The following SLC30A7 variants were observed in gnomAD, a reference collection of about 807,000 sequenced individuals.
The protein encoded by SLC30A7 is solute carrier family 30 member 7, also known as zinc transporter 7.
SLC30A7 carries 35 observed loss-of-function variants against 46.0 expected under a neutral mutation model. The ratio of observed to expected loss-of-function variants is 0.76; its 90% CI spans 0.58 to 1.01. The LOEUF is 1.01. Ranked by LOEUF, SLC30A7 falls within the 50% of genes least tolerant of loss-of-function variation. The pLI is 0.00. For synonymous variants in SLC30A7, 147 were observed against 157.8 expected, an observed-to-expected ratio of 0.93 and a Z score of 0.51; for missense variants, 464 against 451.1, an observed-to-expected ratio of 1.03 and a Z score of -0.26.
At chr1:100,981,913 G>C (rs979944640), downstream of SLC30A7, among the ~76,000 whole-genome samples, 5 of 152,202 alleles carry the variant, frequency 3.3e-5, no homozygotes, top group African/African-American at 9.6e-5. Context: ...GAGATGCTAG[G>C]AGGTTGGAAG....
At chr1:100,940,679 ACATT>A (rs1393153005) in intron 8 of SLC30A7, among the ~76,000 whole-genome samples, 1 of 152,244 alleles carries the variant, frequency 6.6e-6, no homozygotes, top group Non-Finnish European at 1.5e-5. Context: ...TTTTAAAGAC[ACATT>A]CAGTGTCATG....
rs1444744027 is a variant in SLC30A7 at position 100,981,642 on chromosome 1, A to ACCCC, written c.*6786_*6787insCCCC. 6.6e-6 allele frequency: 1 copy of ACCCC among 152,238 alleles called. No individual in the cohort carries two copies. The highest frequency in any genetic ancestry group is 1.5e-5 in the Non-Finnish European group (1 of 68,030). The allele number at this position is 152,238 out of a possible 1,614,324, so 9.4% of individuals were successfully genotyped here. On this transcript the variant is annotated 3_prime_UTR_variant, in exon 11 of 11. Transcript: ENST00000357650. ...ACAACAAATCTATAATGTATATTTC[A>ACCCC]CATTTTCTACTTGAACACATTCATG...
chr1:100,983,137 G>A (rs750371684), downstream of SLC30A7, among the ~76,000 whole-genome samples: 2 of 151,950 alleles, frequency 1.3e-5, no homozygotes, highest in African/African-American at 4.8e-5. Context: ...AACAACTTTC[G>A]AAACTTAAAT....
chr1:100,913,427 T>C (rs1324640853), intron 5 of SLC30A7, among the ~76,000 whole-genome samples: 1 of 152,206 alleles, frequency 6.6e-6, no homozygotes, highest in African/African-American at 2.4e-5. Context: ...TTCCAGTCAG[T>C]ACTTATTTTC....
chr1:100,965,890 T>C lies in SLC30A7; in HGVS notation c.1055T>C (p.Leu352Ser), dbSNP rs780671235. ...VAPDADARWI[L>S]SQTHNIFTQA... is the part of the protein sequence containing the mutation. ...CCTGATGCTGATGCTAGGTGGATTT[T>C]AAGCCAAACACATAATATTTTTACT... The change falls in exon 10 of 11, where the codon TTA becomes TCA. Residue 352 changes from leucine (L) to serine (S), a missense_variant. Physicochemically the swap from Leu to Ser is moderately radical, Grantham distance 145 (BLOSUM62 -2). Transcript: ENST00000357650. 7 of 1,613,512 alleles carry C rather than the reference T, an allele frequency of 4.3e-6. No homozygotes were observed. The African/African-American group carries it at 9.3e-5, about 22-fold the overall frequency.
chr1:100,915,193 T>TTTTCTTTTCTTTCTTTCTTTCTTTC (rs1553236582), intron 6 of SLC30A7, among the ~76,000 whole-genome samples: 1 of 90,788 alleles, frequency 1.1e-5, no homozygotes, highest in East Asian at 3.0e-4. Context: ...CTTTTCTTTC[T>TTTTCTTTTCTTTCTTTCTTTCTTTC]TTTCTTTCTT....
chr1:100,904,192 C>T (rs1651487864), intron 2 of SLC30A7, among the ~76,000 whole-genome samples: 1 of 152,186 alleles, frequency 6.6e-6, no homozygotes, highest in African/African-American at 2.4e-5. Context: ...GGTACTCTGA[C>T]TTCAGAAGCT....
At chr1:100,965,345 A>G (rs1178529794) in intron 9 of SLC30A7, among the ~76,000 whole-genome samples, 1 of 152,218 alleles carries the variant, frequency 6.6e-6, no homozygotes, top group Non-Finnish European at 1.5e-5. Context: ...TGATTTGGGT[A>G]TCTGTCTTTT....
At chr1:100,914,987 A>G (rs1652384919) in intron 6 of SLC30A7, among the ~76,000 whole-genome samples, 1 of 152,136 alleles carries the variant, frequency 6.6e-6, no homozygotes, top group African/African-American at 2.4e-5. Context: ...ATGAAAACAG[A>G]TAAATATTTA....
chr1:100,991,515 C>T, the SLC30A7 span, among the ~76,000 whole-genome samples: 5 of 152,142 alleles, frequency 3.3e-5, no homozygotes, highest in Admixed American at 1.3e-4. Flanking sequence ...TGACTGGGTG[C>T]GGTGACTCGC....
chr1:100,912,086 A>G (rs957180720), intron 4 of SLC30A7, 26 bp from the exon 5 acceptor site: 1 of 1,600,682 alleles, frequency 6.2e-7, no homozygotes. Context: ...TATCTATGCT[A>G]TTTGTTTGTA....
At chr1:100,932,978 C>CTT (rs995801710) in intron 8 of SLC30A7, among the ~76,000 whole-genome samples, 11 of 138,088 alleles carry the variant, frequency 8.0e-5, no homozygotes, top group East Asian at 2.1e-4. Context: ...TTTCTTTTTT[C>CTT]TTTTTTTTTT....
intron 8 of SLC30A7, among the ~76,000 whole-genome samples, chr1:100,954,594 TA>T: frequency 6.6e-6 from 1 of 152,260 alleles, no homozygotes; most frequent in African/African-American, 2.4e-5. Context: ...CTCTAAGTTC[TA>T]GGGGTACCTT....
Position 100,980,003 on chromosome 1 carries a change from T to G in SLC30A7, c.*5146T>G, listed in dbSNP as rs1381720155. The G allele has an allele frequency of 6.6e-6, 1 of 152,156 alleles. No individual in the cohort carries two copies. The highest frequency in any genetic ancestry group is 1.5e-5 in the Non-Finnish European group (1 of 67,978). The allele number at this position is 152,156 out of a possible 1,614,324, so 9.4% of individuals were successfully genotyped here. ...TATTTAGACTCATTCCTTCTTCCAG[T>G]GCCCTTATGATTATTTCCTACCTTT... On this transcript the variant is annotated 3_prime_UTR_variant, in exon 11 of 11. Transcript: ENST00000357650.
At position 100,912,233 on chromosome 1, in the gene SLC30A7, G is replaced by A. The variant is rs145252614; in HGVS notation, c.506G>A (p.Gly169Asp). The A allele has an allele frequency of 1.2e-3, 1,928 of 1,613,638 alleles. 49 individuals are homozygous for A. The Admixed American group carries it at 0.03, about 25-fold the overall frequency. ...FKHGGHGHSH[G>D]SGHGHSHSLF... ...CATGGAGGTCATGGACATTCTCATG[G>A]CTCTGGTATGATGGTTAGGACACTT... The change falls in exon 5 of 11, where the codon GGC becomes GAC. Residue 169 changes from glycine (G) to aspartate (D), a missense_variant. Physicochemically the swap from Gly to Asp is moderately conservative, Grantham distance 94. Coordinates refer to ENST00000357650, the MANE Select transcript of SLC30A7 (RefSeq NM_133496.5).
intron 3 of SLC30A7, 102 bp downstream of exon 3, chr1:100,907,067 TA>T (rs756395870): frequency 1.5e-4 from 112 of 751,970 alleles, no homozygotes; most frequent in Non-Finnish European, 2.3e-4. Flanking sequence ...AACACAGGTG[TA>T]ACTTTTGAAT....
Position 100,979,380 on chromosome 1 carries a change from C to G in SLC30A7, c.*4523C>G, listed in dbSNP as rs949740475. The G allele has an allele frequency of 3.4e-5, 5 of 147,296 alleles. No individual in the cohort carries two copies. Among genetic ancestry groups the G allele is most frequent in the Admixed American group, 1.4e-4 (2 of 14,664 alleles). 9.1% of individuals were successfully genotyped at this position (147,296 alleles called of 1,614,324 possible). A position where few individuals can be genotyped will look rare whatever the true frequency, so the allele number is the denominator to read the frequency against. ...ATGATCCCCCAGAAGCCTTAGTGAC[C>G]CAGATCTCAACCAGAGACTCAAGAT... On this transcript the variant is annotated 3_prime_UTR_variant, in exon 11 of 11. Coordinates refer to ENST00000357650, the MANE Select transcript of SLC30A7 (RefSeq NM_133496.5).
chr1:100,958,404 CT>C (rs1338555692), intron 8 of SLC30A7, among the ~76,000 whole-genome samples: 1 of 152,208 alleles, frequency 6.6e-6, no homozygotes, highest in African/African-American at 2.4e-5. Flanking sequence ...TCTCGATCCC[CT>C]GACCTCATGA....
intron 10 of SLC30A7, among the ~76,000 whole-genome samples, chr1:100,968,264 C>A (rs976759696): frequency 6.6e-6 from 1 of 152,028 alleles, no homozygotes; most frequent in East Asian, 1.9e-4. Context: ...AGTTTAAGAT[C>A]AGCCTCACCA....
Sources: allele counts gnomAD v4.1 joint callset (sites outside exome capture counted in the v4.1 genomes callset), GRCh38; gene constraint gnomAD v4.1.1; transcripts MANE v1.5; gene names NCBI Gene and HGNC (gene_info 2026-07-23, HGNC 2026-07-21).